Variants in SYNPR observed in about 807,000 individuals in gnomAD.
The protein encoded by SYNPR is synaptoporin.
In SYNPR, 23 loss-of-function variants were observed where a neutral mutation model predicts 32.9. That is an observed-to-expected ratio of 0.70 (90% CI 0.50 to 0.99). The LOEUF is 0.99. SYNPR is among the 50% of genes least tolerant of loss of function. SYNPR has a pLI of 0.00. For synonymous variants in SYNPR, 146 were observed against 135.9 expected, an observed-to-expected ratio of 1.07 and a Z score of -0.52; for missense variants, 318 against 349.3, an observed-to-expected ratio of 0.91 and a Z score of 0.71.
rs200187952 is a variant in SYNPR, at chr3:63,444,810, AG to A, written c.85-36021del. Among the ~76,000 whole-genome samples the A allele has an allele frequency of 1.4e-3, 218 of 152,252 alleles. 3 individuals carry two copies. In the East Asian group the frequency reaches 0.033, roughly 23 times the overall value. ...GACTGAATTTTGATCAATCTAACTC[AG>A]CCTCAAAAATACACTAATCCCCCAA... is the stretch of plus-strand genomic sequence containing the variant. On this transcript the variant is annotated intron_variant, in intron 2 of 5. Transcript: ENST00000478300.
chr3:63,450,645 C>A (rs950897328), intron 2 of SYNPR, among the ~76,000 whole-genome samples: 2 of 152,220 alleles, frequency 1.3e-5, no homozygotes, highest in Admixed American at 1.3e-4. Context: ...GTTATTTTAG[C>A]CAGTTTCAGC....
chr3:63,503,054 T>C (rs1054550140), intron 3 of SYNPR, among the ~76,000 whole-genome samples: 8 of 152,118 alleles, frequency 5.3e-5, no homozygotes, highest in African/African-American at 1.9e-4. Context: ...ATCACCAAAT[T>C]GCTTTCCAAA....
At chr3:63,517,385 T>C (rs996288866) in intron 3 of SYNPR, among the ~76,000 whole-genome samples, 2 of 152,132 alleles carry the variant, frequency 1.3e-5, no homozygotes, top group African/African-American at 4.8e-5. Context: ...TGGATGATCA[T>C]GGAGGAAAAT....
At chr3:63,611,082 G>C (rs1044375444) in intron 5 of SYNPR, among the ~76,000 whole-genome samples, 2 of 152,124 alleles carry the variant, frequency 1.3e-5, no homozygotes, top group African/African-American at 4.8e-5. Context: ...TGTTTTTGCA[G>C]TCCACTTCTG....
chr3:63,228,497 CACA>C (rs2086145698), intron 1 of SYNPR: 1 of 152,148 alleles, frequency 6.6e-6, no homozygotes, highest in Admixed American at 6.5e-5. Flanking sequence ...CTGATTACAG[CACA>C]ACTTCACATT....
intron 3 of SYNPR, among the ~76,000 whole-genome samples, chr3:63,545,097 G>GTGCTGGAAATAACATTTCAT (rs1702377375): frequency 6.6e-6 from 1 of 151,972 alleles, no homozygotes. Flanking sequence ...AAGTGAAAGG[G>GTGCTGGAAATAACATTTCAT]TGCTGGAAAT....
At chr3:63,255,584 G>T (rs72878259) in intron 2 of SYNPR, among the ~76,000 whole-genome samples, 146 of 152,288 alleles carry the variant, frequency 9.6e-4, no homozygotes, top group African/African-American at 3.4e-3. Context: ...TCCATCAGTG[G>T]CAGAGGTGAG....
rs545288539 is a variant in SYNPR, at chr3:63,266,702, C to T, written n.155-615C>T. On this transcript the variant is annotated intron_variant and non_coding_transcript_variant, in intron 2 of 4. Transcript: ENST00000478456. ...AGCCTGGGCGACAAGAGCAAAACTC[C>T]GTCTCAAAAAAAAAAACACAAAAAA... 7.7e-4 allele frequency among the ~76,000 whole-genome samples: 13 copies of T among 16,804 alleles called. No homozygotes were observed. The South Asian group carries it at 9.2e-3, about 12-fold the overall frequency. The allele number at this position is 16,804 out of a possible 152,430, so 11.0% of individuals were successfully genotyped here.
At chr3:63,548,127 T>A (rs1372769511) in intron 3 of SYNPR, among the ~76,000 whole-genome samples, 1 of 152,168 alleles carries the variant, frequency 6.6e-6, no homozygotes, top group African/African-American at 2.4e-5. Context: ...TGTCTCCCCA[T>A]CTGTTTCTAA....
chr3:63,328,066 A>G (rs558412779), intron 2 of SYNPR, among the ~76,000 whole-genome samples: 1 of 152,332 alleles, frequency 6.6e-6, no homozygotes, highest in African/African-American at 2.4e-5. Flanking sequence ...TGCTGAATTT[A>G]AAATACATTT....
At chr3:63,388,022 G>T (rs1225063648) in intron 2 of SYNPR, among the ~76,000 whole-genome samples, 2 of 152,170 alleles carry the variant, frequency 1.3e-5, no homozygotes, top group Non-Finnish European at 2.9e-5. Flanking sequence ...TCACAGGAAA[G>T]ATAGCAGCTG....
upstream of SYNPR, among the ~76,000 whole-genome samples, chr3:63,227,910 C>T (rs2086140952): frequency 6.6e-6 from 1 of 152,114 alleles, no homozygotes; most frequent in Non-Finnish European, 1.5e-5. Flanking sequence ...GAATTCTGTT[C>T]CTAAGGAGGA....
chr3:63,254,453 C>G (rs548687910), intron 2 of SYNPR, among the ~76,000 whole-genome samples: 1 of 152,078 alleles, frequency 6.6e-6, no homozygotes, highest in Admixed American at 6.6e-5. Flanking sequence ...GAGAAAATAA[C>G]AGACTACATC....
intron 2 of SYNPR, among the ~76,000 whole-genome samples, chr3:63,322,111 G>T (rs946858317): frequency 6.6e-6 from 1 of 152,006 alleles, no homozygotes; most frequent in African/African-American, 2.4e-5. Flanking sequence ...GTTAGGAAAA[G>T]CTTCCTGATG....
At chr3:63,327,784 G>C (rs539014777) in intron 2 of SYNPR, among the ~76,000 whole-genome samples, 9 of 152,138 alleles carry the variant, frequency 5.9e-5, no homozygotes, top group Admixed American at 5.9e-4. Context: ...TTGGTGGTTA[G>C]AGGTTAAGGA....
chr3:63,412,052 G>A lies in SYNPR; in HGVS notation c.85-68780G>A, dbSNP rs115176552. Among the ~76,000 whole-genome samples, 1,022 of 151,960 alleles carry A rather than the reference G, an allele frequency of 6.7e-3. 11 individuals carry two copies. The highest frequency in any genetic ancestry group is 0.024 in the African/African-American group (977 of 41,444). ...ACAGAACTGGCAGGAGAGATGAAGA[G>A]GAGTAGAGTAGATTGGAGATAGAGT... is the stretch of plus-strand genomic sequence containing the variant. On this transcript the variant is annotated intron_variant, in intron 2 of 5. Coordinates refer to ENST00000478300, the MANE Select transcript of SYNPR (RefSeq NM_001130003.2).
intron 3 of SYNPR, among the ~76,000 whole-genome samples, chr3:63,510,944 T>TGTG (rs1559521520): frequency 6.8e-6 from 1 of 147,102 alleles, no homozygotes. Context: ...TGCGCGCACG[T>TGTG]TGTGTGTGTG....
intron 2 of SYNPR, among the ~76,000 whole-genome samples, chr3:63,264,818 G>A (rs945642052): frequency 2.7e-4 from 41 of 152,226 alleles, no homozygotes; most frequent in African/African-American, 9.1e-4. Flanking sequence ...GTGGAAGGAC[G>A]GAGTGAGGGC....
chr3:63,325,801 A>T (rs545550121), intron 2 of SYNPR, among the ~76,000 whole-genome samples: 7 of 151,734 alleles, frequency 4.6e-5, no homozygotes, highest in African/African-American at 1.7e-4. Flanking sequence ...TGTCCCCACA[A>T]CTGGACCCTG....
Sources: gnomAD v4.1 joint callset for allele counts (sites outside exome capture counted in the v4.1 genomes callset) on GRCh38, gnomAD v4.1.1 for gene constraint, MANE v1.5 for transcripts, NCBI Gene and HGNC (gene_info 2026-07-23, HGNC 2026-07-21) for gene names.